SLC35F3: variants seen among roughly 807,000 people sequenced by gnomAD.
SLC35F3 encodes putative thiamine transporter SLC35F3.
In SLC35F3, 25 loss-of-function variants were observed where a neutral mutation model predicts 49.9. The observed-to-expected ratio is 0.50, with a 90% CI of 0.37 to 0.70. SLC35F3 has a LOEUF of 0.70. Among genes scored for constraint, SLC35F3 ranks in the 30% least tolerant of loss-of-function variants. The pLI, the probability that SLC35F3 is intolerant of heterozygous loss-of-function variation, is 0.00. For missense variants in SLC35F3, 525 were observed against 639.8 expected, an observed-to-expected ratio of 0.82 and a Z score of 1.94; for synonymous variants, 275 against 265.4, an observed-to-expected ratio of 1.04 and a Z score of -0.35.
Position 234,214,750 on chromosome 1 carries a change from G to A in SLC35F3, c.284-16667G>A. On this transcript the variant is annotated intron_variant, in intron 2 of 7. Transcript: ENST00000366618. This position sits in a 1 kb window ranked among gnomAD's most constrained non-coding sequence, Gnocchi z 8.0. ...GTGGGGGGATCTGGCAGCTTCAGGG[G>A]CTGCCCTGAGCTCCCTGGCGAGCAG... The A allele has an allele frequency of 2.5e-6, 2 of 803,804 alleles. No individual in the cohort carries two copies. The highest frequency in any genetic ancestry group is 3.6e-6 in the Non-Finnish European group (2 of 559,516). 49.8% of individuals were successfully genotyped at this position (803,804 alleles called of 1,614,324 possible).
At chr1:233,911,450 C>A (rs1002671504) in intron 2 of SLC35F3, among the ~76,000 whole-genome samples, 7 of 152,122 alleles carry the variant, frequency 4.6e-5, no homozygotes, top group African/African-American at 1.4e-4. Context: ...AGCATTAGAG[C>A]ACAGCATTTT....
chr1:234,002,823 A>T (rs1338166513), intron 2 of SLC35F3, among the ~76,000 whole-genome samples: 1 of 152,152 alleles, frequency 6.6e-6, no homozygotes, highest in East Asian at 1.9e-4. Flanking sequence ...CTCATCCCCC[A>T]TGTATTTATT....
chr1:234,170,163 AGCCAGTC>A (rs1666378850), intron 2 of SLC35F3, among the ~76,000 whole-genome samples: 1 of 152,152 alleles, frequency 6.6e-6, no homozygotes, highest in African/African-American at 2.4e-5. Flanking sequence ...CCCTAAGTAT[AGCCAGTC>A]ATGAAGTCCC....
intron 2 of SLC35F3, among the ~76,000 whole-genome samples, chr1:234,026,690 C>T (rs1179830884): frequency 1.3e-5 from 2 of 151,656 alleles, no homozygotes; most frequent in East Asian, 3.8e-4. Flanking sequence ...CAAGCCCAGC[C>T]TGGGCGACAG....
intron 2 of SLC35F3, among the ~76,000 whole-genome samples, chr1:234,076,681 G>C (rs1000517841): frequency 6.6e-6 from 1 of 151,966 alleles, no homozygotes; most frequent in African/African-American, 2.4e-5. Context: ...GGCTGTTCTC[G>C]AACTCATGAC....
intron 2 of SLC35F3, among the ~76,000 whole-genome samples, chr1:234,124,681 A>G (rs1026605170): frequency 1.3e-5 from 2 of 152,178 alleles, no homozygotes; most frequent in Admixed American, 1.3e-4. Flanking sequence ...AGCCTGAGCA[A>G]CATAGCAAGA....
At chr1:234,011,012 A>G (rs923411391) in intron 2 of SLC35F3, among the ~76,000 whole-genome samples, 3 of 152,188 alleles carry the variant, frequency 2.0e-5, no homozygotes, top group Admixed American at 1.3e-4. Context: ...CCATTTTACC[A>G]TAGGCTAATT....
chr1:234,310,326 T>C (rs1043585962), intron 4 of SLC35F3, among the ~76,000 whole-genome samples: 2 of 152,308 alleles, frequency 1.3e-5, no homozygotes, highest in South Asian at 2.1e-4. Context: ...ACTTCCGTCC[T>C]TCCCTCATTG....
chr1:234,000,359 A>G (rs535239645), intron 2 of SLC35F3, among the ~76,000 whole-genome samples: 1 of 152,338 alleles, frequency 6.6e-6, no homozygotes, highest in East Asian at 1.9e-4. Flanking sequence ...TGACATTACC[A>G]TGAAAATAGT....
chr1:233,996,620 G>A (rs1663465816), intron 2 of SLC35F3, among the ~76,000 whole-genome samples: 1 of 152,128 alleles, frequency 6.6e-6, no homozygotes, highest in Non-Finnish European at 1.5e-5. Context: ...CCATGGCAAG[G>A]CATTTATTTC....
rs118166706 is a variant in SLC35F3 at position 234,163,450 on chromosome 1, G to C, written c.284-67967G>C. ...CGTCCTGTAGAGCAAGATCTGGGTT[G>C]CTGAGACAGAGTGAGTGAGTGAGTG... On this transcript the variant is annotated intron_variant, in intron 2 of 7. Transcript: ENST00000366618. 4.1e-4 allele frequency among the ~76,000 whole-genome samples: 62 copies of C among 152,288 alleles called. 1 individual carries two copies. In the East Asian group the frequency reaches 0.012, roughly 28 times the overall value.
At chr1:234,044,167 T>C (rs1221186041) in intron 2 of SLC35F3, among the ~76,000 whole-genome samples, 7 of 152,234 alleles carry the variant, frequency 4.6e-5, no homozygotes, top group Non-Finnish European at 7.3e-5. Flanking sequence ...AGATAGTGTT[T>C]GGCCTGTTTG....
intron 2 of SLC35F3, among the ~76,000 whole-genome samples, chr1:234,052,859 A>G (rs1014415582): frequency 2.1e-4 from 32 of 152,156 alleles, no homozygotes; most frequent in African/African-American, 7.7e-4. Flanking sequence ...ATTGGTTTCA[A>G]AGAACATCTT....
chr1:234,175,820 C>T (rs1666468599), intron 2 of SLC35F3, among the ~76,000 whole-genome samples: 1 of 152,192 alleles, frequency 6.6e-6, no homozygotes, highest in Admixed American at 6.5e-5. Flanking sequence ...GAGCCAAGAG[C>T]CGTCAGTGGG....
At chr1:234,013,607 G>A (rs1663757771) in intron 2 of SLC35F3, among the ~76,000 whole-genome samples, 2 of 151,772 alleles carry the variant, frequency 1.3e-5, no homozygotes, top group African/African-American at 4.8e-5. Context: ...AGGCTAAGAA[G>A]AAAAGAGAGA....
intron 3 of SLC35F3, among the ~76,000 whole-genome samples, chr1:234,233,097 G>T (rs1042108850): frequency 6.6e-6 from 1 of 152,128 alleles, no homozygotes; most frequent in Non-Finnish European, 1.5e-5. Context: ...GCCAGAAATT[G>T]CTAAAGAGGC....
At chr1:234,311,956 T>A (rs1370192834) in intron 4 of SLC35F3, among the ~76,000 whole-genome samples, 3 of 152,246 alleles carry the variant, frequency 2.0e-5, no homozygotes, top group Non-Finnish European at 2.9e-5. Context: ...AGAAAACAGT[T>A]GTGAGAATAA....
At chr1:233,946,880 G>T (rs949256991) in intron 2 of SLC35F3, among the ~76,000 whole-genome samples, 1 of 152,206 alleles carries the variant, frequency 6.6e-6, no homozygotes. Context: ...TGTCACCTAG[G>T]AATGTGTGTG....
chr1:233,954,469 A>G (rs1204708448), intron 2 of SLC35F3, among the ~76,000 whole-genome samples: 1 of 152,200 alleles, frequency 6.6e-6, no homozygotes, highest in African/African-American at 2.4e-5. Flanking sequence ...TCAGAAAACT[A>G]GAGTGCTTTT....
Sources: gnomAD v4.1 joint callset for allele counts (sites outside exome capture counted in the v4.1 genomes callset) on GRCh38, gnomAD v4.1.1 for gene constraint, Gnocchi (gnomAD v3.1) non-coding constraint, MANE v1.5 for transcripts, NCBI Gene and HGNC (gene_info 2026-07-23, HGNC 2026-07-21) for gene names.